The following EXOC2 variants were observed in gnomAD, a reference collection of about 807,000 sequenced individuals.
The protein encoded by EXOC2 is exocyst complex component 2.
Under a neutral mutation model 131.8 loss-of-function variants are expected in EXOC2, and 70 were observed. The observed-to-expected ratio is 0.53, with a 90% CI of 0.44 to 0.65. The LOEUF (loss-of-function observed/expected upper bound fraction) is 0.65. EXOC2 is among the 30% of genes least tolerant of loss of function. The pLI, the probability that EXOC2 is intolerant of heterozygous loss-of-function variation, is 0.00. For synonymous variants in EXOC2, 411 were observed against 398.4 expected (o/e 1.03, Z -0.38); for missense variants, 923 against 1,108.6 (o/e 0.83, Z 2.38).
chr6:491,059 A>G, intron 26 of EXOC2, 66 bp downstream of exon 26: 1 of 1,505,376 alleles, frequency 6.6e-7, no homozygotes, highest in South Asian at 1.1e-5. Context: ...TACAGAGGAC[A>G]GAATTGACTA....
rs778501222 is a variant in EXOC2, at chr6:572,543, C to T, written c.1420G>A (p.Val474Ile). Residue 474 changes from valine (V) to isoleucine (I), a missense_variant, in exon 13 of 28, where the codon GTT becomes ATT. Val to Ile is a conservative substitution (Grantham distance 29, BLOSUM62 3). Coordinates refer to ENST00000230449, the MANE Select transcript of EXOC2 (RefSeq NM_018303.6). ...PNFWKLWISY[V>I]NGSLFSETAE... ...ACCTCACTGAAGAGGCTTCCATTAA[C>T]GTAGGAGATCCAGAGTTTCCAGAAG... is the stretch of plus-strand genomic sequence containing the variant. The T allele has an allele frequency of 6.2e-6, 10 of 1,613,954 alleles. No homozygotes were observed. Among genetic ancestry groups the T allele is most frequent in the East Asian group, 4.5e-5 (2 of 44,892 alleles).
At chr6:598,736 C>A in intron 9 of EXOC2, 124 bp downstream of exon 9, 45 of 641,806 alleles carry the variant, frequency 7.0e-5, no homozygotes, top group East Asian at 9.5e-5. Flanking sequence ...AATTGCTTTA[C>A]ATTGTAAAGA....
At chr6:528,167 G>A (rs941754280) in intron 23 of EXOC2, among the ~76,000 whole-genome samples, 9 of 151,802 alleles carry the variant, frequency 5.9e-5, no homozygotes, top group East Asian at 3.9e-4. Context: ...ACATCGCTAC[G>A]GCTTTAACGG....
intron 18 of EXOC2, 105 bp downstream of exon 18, chr6:556,379 C>A: frequency 8.6e-7 from 1 of 1,160,292 alleles, no homozygotes; most frequent in Non-Finnish European, 1.3e-6. Flanking sequence ...AACAAGCAGG[C>A]GAAGAGGGAG....
chr6:531,789 C>A, intron 23 of EXOC2, among the ~76,000 whole-genome samples: 1 of 152,250 alleles, frequency 6.6e-6, no homozygotes, highest in East Asian at 1.9e-4. Context: ...TAAACTACTT[C>A]TCTACAAAAG....
At chr6:574,651 G>C (rs1758480348) in intron 12 of EXOC2, among the ~76,000 whole-genome samples, 1 of 152,204 alleles carries the variant, frequency 6.6e-6, no homozygotes, top group South Asian at 2.1e-4. Flanking sequence ...AGGGCACACT[G>C]TAAACTTTTA....
chr6:542,063 T>C (rs1756589003), intron 22 of EXOC2, among the ~76,000 whole-genome samples: 1 of 152,212 alleles, frequency 6.6e-6, no homozygotes, highest in East Asian at 1.9e-4. Context: ...TCAAAAAAGG[T>C]AATTTCAAAC....
rs1215898577 is a variant in EXOC2, at chr6:586,232, CTCGAG to C, written c.1192+6232_1192+6236del. Among the ~76,000 whole-genome samples, 7 of 152,340 alleles carry C rather than the reference CTCGAG, an allele frequency of 4.6e-5. No individual in the cohort carries two copies. In the East Asian group the frequency reaches 1.4e-3, roughly 29 times the overall value. ...GGGCATCAGAAAATAACCAGACACA[CTCGAG>C]TCAAGAGAGAGGTGGCATCCGCTGC... On this transcript the variant is annotated intron_variant, in intron 11 of 27. Transcript: ENST00000230449.
In EXOC2 at chr6:560,951, G is replaced by T. The variant is rs373006513; in HGVS notation, c.1851+1833C>A. ...TCGAACTCCTGACCTCAGGTGATCC[G>T]CCCGCCTGAGCCTCTCAAAGTGCTG... On this transcript the variant is annotated intron_variant, in intron 17 of 27. Transcript: ENST00000230449. Among the ~76,000 whole-genome samples, 16 of 151,862 alleles carry T rather than the reference G, an allele frequency of 1.1e-4. No individual in the cohort carries two copies. In the East Asian group the frequency reaches 3.1e-3, roughly 29 times the overall value.
At chr6:608,837 T>C (rs1370703257) in intron 7 of EXOC2, among the ~76,000 whole-genome samples, 1 of 152,226 alleles carries the variant, frequency 6.6e-6, no homozygotes, top group Non-Finnish European at 1.5e-5. Flanking sequence ...ATATCATAGT[T>C]TGATAACTTC....
chr6:608,809 A>G (rs925634046), intron 7 of EXOC2, among the ~76,000 whole-genome samples: 6 of 152,234 alleles, frequency 3.9e-5, no homozygotes, highest in Non-Finnish European at 8.8e-5. Context: ...TACTGAAGTA[A>G]ACATGTTTTT....
At chr6:692,827 G>GGCGGGGTGGGGGCT (rs1554154212) in intron 1 of EXOC2, among the ~76,000 whole-genome samples, 192 bp downstream of exon 1, 1 of 144,858 alleles carries the variant, frequency 6.9e-6, no homozygotes, top group African/African-American at 2.5e-5. Flanking sequence ...GGCGGCTGAC[G>GGCGGGGTGGGGGCT]GCGGGGATGG....
chr6:573,385 C>T (rs929608330), intron 12 of EXOC2, among the ~76,000 whole-genome samples: 3 of 152,138 alleles, frequency 2.0e-5, no homozygotes, highest in Non-Finnish European at 4.4e-5. Flanking sequence ...GCCATGCCTT[C>T]GCCCTGCTGC....
rs1762173921 is a variant in EXOC2, at chr6:637,861, T to C, written c.-43A>G. On this transcript the variant is annotated splice_region_variant and 5_prime_UTR_variant, in exon 2 of 28. Coordinates refer to ENST00000230449, the MANE Select transcript of EXOC2 (RefSeq NM_018303.6). The stretch of plus-strand genomic sequence containing the variant: ...ACTGGTGATCCTGTTAGAGAAGTAA[T>C]CTGTTAAAAGAGAAAGAAAAAAGGA... The C allele has an allele frequency of 1.3e-6, 2 of 1,573,848 alleles. No homozygotes were observed. The highest frequency in any genetic ancestry group is 1.7e-6 in the Non-Finnish European group (2 of 1,148,270).
At chr6:502,495 G>T (rs1429343805) in intron 23 of EXOC2, among the ~76,000 whole-genome samples, 2 of 152,164 alleles carry the variant, frequency 1.3e-5, no homozygotes, top group Non-Finnish European at 2.9e-5. Flanking sequence ...CTCGGACCCC[G>T]ACATCATAAA....
intron 25 of EXOC2, among the ~76,000 whole-genome samples, chr6:495,204 C>A (rs536078946): frequency 6.0e-5 from 9 of 150,026 alleles, no homozygotes; most frequent in Non-Finnish European, 1.3e-4. Context: ...CGGCTCACTG[C>A]GAGCTCCACC....
At chr6:558,698 A>G (rs761264399) in intron 17 of EXOC2, among the ~76,000 whole-genome samples, 43 of 152,038 alleles carry the variant, frequency 2.8e-4, no homozygotes, top group African/African-American at 3.9e-4. Context: ...CTGTAGTCCT[A>G]GGTACTCAGG....
intron 1 of EXOC2, chr6:657,393 ATACAT>A (rs1763183210): frequency 6.5e-6 from 1 of 153,710 alleles, no homozygotes; most frequent in South Asian, 2.1e-4. Flanking sequence ...CATACCAGGC[ATACAT>A]TTTACAACCT....
At chr6:550,720 G>C (rs1757100175) in intron 21 of EXOC2, among the ~76,000 whole-genome samples, 1 of 152,228 alleles carries the variant, frequency 6.6e-6, no homozygotes, top group African/African-American at 2.4e-5. Flanking sequence ...CCCGGGCCTG[G>C]AGTCACCATG....
Sources: gnomAD v4.1 joint callset for allele counts (sites outside exome capture counted in the v4.1 genomes callset) on GRCh38, gnomAD v4.1.1 for gene constraint, MANE v1.5 for transcripts, NCBI Gene and HGNC (gene_info 2026-07-23, HGNC 2026-07-21) for gene names.